ANKRD17: variants seen among roughly 807,000 people sequenced by gnomAD.
ANKRD17 encodes ankyrin repeat domain-containing protein 17.
ANKRD17 carries 19 observed loss-of-function variants against 229.7 expected under a neutral mutation model. That is an observed-to-expected ratio of 0.08 (90% CI 0.06 to 0.12). The LOEUF is 0.12. ANKRD17 is among the 10% of genes least tolerant of loss of function. The probability of loss-of-function intolerance (pLI) is 1.00; values close to 1 mark genes in which losing one functional copy is unlikely to be tolerated. For synonymous variants in ANKRD17, 1,112 were observed against 1,146.1 expected (o/e 0.97, Z 0.60); for missense variants, 2,176 against 3,176.8 (o/e 0.68, Z 7.57).
At chr4:73,134,596 G>A (rs1728651849) in intron 16 of ANKRD17, among the ~76,000 whole-genome samples, 1 of 151,954 alleles carries the variant, frequency 6.6e-6, no homozygotes, top group Non-Finnish European at 1.5e-5. Flanking sequence ...CCCACTCCAT[G>A]TTATTTCTTC....
intron 22 of ANKRD17, 90 bp downstream of exon 22, chr4:73,118,598 C>A (rs1726291172): frequency 1.4e-6 from 2 of 1,436,000 alleles, no homozygotes; most frequent in Admixed American, 3.9e-5. Flanking sequence ...GCTGCAAAAG[C>A]ACAAAATGAG....
chr4:73,215,090 C>T (rs909295581), intron 1 of ANKRD17, among the ~76,000 whole-genome samples: 8 of 152,006 alleles, frequency 5.3e-5, no homozygotes, highest in Non-Finnish European at 8.8e-5. Context: ...GACATTTTCT[C>T]AAGAACGAAT....
At chr4:73,251,067 T>G (rs902247099) in intron 1 of ANKRD17, among the ~76,000 whole-genome samples, 8 of 152,036 alleles carry the variant, frequency 5.3e-5, no homozygotes, top group African/African-American at 1.9e-4. Flanking sequence ...AGCCAGGAGT[T>G]CAAGACCAGC....
At chr4:73,169,814 G>A (rs1360487973) in intron 2 of ANKRD17, among the ~76,000 whole-genome samples, 5 of 152,180 alleles carry the variant, frequency 3.3e-5, no homozygotes, top group Non-Finnish European at 7.3e-5. Flanking sequence ...AGTGCTGCCC[G>A]GTCACAGCGG....
At chr4:73,148,620 T>C (rs1305635061) in intron 8 of ANKRD17, among the ~76,000 whole-genome samples, 193 bp downstream of exon 8, 3 of 152,206 alleles carry the variant, frequency 2.0e-5, no homozygotes, top group African/African-American at 4.8e-5. Flanking sequence ...GAAAGCTCTA[T>C]ATGAAAGAAG....
chr4:73,114,338 A>T (rs909240199), intron 23 of ANKRD17, among the ~76,000 whole-genome samples: 2 of 152,232 alleles, frequency 1.3e-5, no homozygotes, highest in African/African-American at 4.8e-5. Context: ...TGTGTACAAT[A>T]ATCATTTACA....
At chr4:73,104,860 T>C (rs1724426163) in intron 24 of ANKRD17, among the ~76,000 whole-genome samples, 1 of 152,030 alleles carries the variant, frequency 6.6e-6, no homozygotes, top group South Asian at 2.1e-4. Context: ...ATGGGGGTGG[T>C]AGGTTTGGGT....
intron 2 of ANKRD17, among the ~76,000 whole-genome samples, chr4:73,164,453 G>A (rs1413980694): frequency 6.6e-6 from 1 of 152,144 alleles, no homozygotes; most frequent in Non-Finnish European, 1.5e-5. Context: ...CTGAATTATG[G>A]TGATTCTTTT....
chr4:73,099,983 C>T (rs1251788242), intron 25 of ANKRD17, among the ~76,000 whole-genome samples: 6 of 152,158 alleles, frequency 3.9e-5, no homozygotes, highest in Non-Finnish European at 7.4e-5. Flanking sequence ...GCCATTTCCC[C>T]CTCCTCAGAA....
At chr4:73,093,046 G>A (rs1722935030) in intron 28 of ANKRD17, among the ~76,000 whole-genome samples, 1 of 152,100 alleles carries the variant, frequency 6.6e-6, no homozygotes, top group South Asian at 2.1e-4. Flanking sequence ...AAATACCCAG[G>A]GGAAAACCAG....
At position 73,140,211 on chromosome 4, in the gene ANKRD17, T is replaced by C; in HGVS notation, c.2405A>G (p.Gln802Arg). Residue 802 changes from glutamine to arginine, a missense_variant, in exon 15 of 34, where the codon CAG (glutamine) becomes CGG (arginine). This residue lies in a region of ANKRD17 where 275 missense variants were observed against 386.9 expected (regional missense o/e 0.71). Transcript: ENST00000358602. ...SQDVQGYITN[Q>R]SPESIVEEAQ... ...CTCTTCTACAATGCTCTCTGGAGAC[T>C]GATTGGTGATGTAACCCTGTACATC... 1 of 1,613,700 alleles carries C rather than the reference T, an allele frequency of 6.2e-7. No individual in the cohort carries two copies. Among genetic ancestry groups the C allele is most frequent in the South Asian group, 1.1e-5 (1 of 90,940 alleles).
At chr4:73,092,326 G>A (rs760971533) in intron 28 of ANKRD17, 26 bp from the exon 29 acceptor site, 3 of 1,559,108 alleles carry the variant, frequency 1.9e-6, no homozygotes, top group Non-Finnish European at 2.6e-6. Context: ...AAAAAATTAG[G>A]TAGAATTTTC....
chr4:73,225,160 A>T (rs1742338544), intron 1 of ANKRD17, among the ~76,000 whole-genome samples: 1 of 152,188 alleles, frequency 6.6e-6, no homozygotes. Flanking sequence ...CTCCCAGGTC[A>T]ATTCTTTCTA....
chr4:73,117,102 T>C (rs1726065111), intron 22 of ANKRD17, among the ~76,000 whole-genome samples: 1 of 152,164 alleles, frequency 6.6e-6, no homozygotes, highest in Non-Finnish European at 1.5e-5. Flanking sequence ...TGATAAACAC[T>C]GTCAAACTTG....
chr4:73,251,452 G>C (rs933297158), intron 1 of ANKRD17, among the ~76,000 whole-genome samples: 8 of 152,114 alleles, frequency 5.3e-5, no homozygotes, highest in Non-Finnish European at 8.8e-5. Context: ...AACTGTACCA[G>C]ATAGGTAAGA....
At chr4:73,252,664 T>C (rs1314653022) in intron 1 of ANKRD17, among the ~76,000 whole-genome samples, 3 of 151,940 alleles carry the variant, frequency 2.0e-5, no homozygotes, top group Non-Finnish European at 2.9e-5. Context: ...GTTAACAATC[T>C]CTATTTAAAA....
At chr4:73,232,315 G>A (rs1002118096) in intron 1 of ANKRD17, among the ~76,000 whole-genome samples, 17 of 152,050 alleles carry the variant, frequency 1.1e-4, no homozygotes, top group African/African-American at 4.1e-4. Flanking sequence ...TCCACCTTAA[G>A]GACAAACTAG....
chr4:73,161,085 TAGCACAGTGCCAGCCA>T, intron 3 of ANKRD17, 91 bp downstream of exon 3: 2 of 1,367,906 alleles, frequency 1.5e-6, no homozygotes, highest in Non-Finnish European at 2.0e-6. Context: ...GTTAAGTGGT[TAGCACAGTGCCAGCCA>T]GGCACAAAAT....
At chr4:73,102,966 C>T (rs1724191363) in intron 24 of ANKRD17, among the ~76,000 whole-genome samples, 1 of 151,914 alleles carries the variant, frequency 6.6e-6, no homozygotes, top group South Asian at 2.1e-4. Context: ...TTGAAAGCTT[C>T]CTAACAAAAA....
Sources: allele counts gnomAD v4.1 joint callset (sites outside exome capture counted in the v4.1 genomes callset), GRCh38; gene constraint gnomAD v4.1.1; regional missense constraint gnomAD v4.1.1; transcripts MANE v1.5; gene names NCBI Gene and HGNC (gene_info 2026-07-23, HGNC 2026-07-21).